The following RAVER1 variants were observed in gnomAD, a reference collection of about 807,000 sequenced individuals.
RAVER1 encodes the protein ribonucleoprotein, PTB binding 1.
In RAVER1, 36 loss-of-function variants were observed where a neutral mutation model predicts 68.4. The ratio of observed to expected loss-of-function variants is 0.53; its 90% CI spans 0.40 to 0.70. The LOEUF is 0.70. RAVER1 is among the 30% of genes least tolerant of loss of function. RAVER1 has a pLI of 0.00. For missense variants in RAVER1, 933 were observed against 1,019.8 expected (o/e 0.91, Z 1.16); for synonymous variants, 469 against 472.7 (o/e 0.99, Z 0.10).
At chr19:10,332,982 T>A (rs1469966410) in intron 1 of RAVER1, among the ~76,000 whole-genome samples, 1 of 152,142 alleles carries the variant, frequency 6.6e-6, no homozygotes, top group Non-Finnish European at 1.5e-5. Flanking sequence ...TACCAGCCCA[T>A]TCACAATTCC....
At chr19:10,331,470 A>G (rs1301211044) in intron 1 of RAVER1, among the ~76,000 whole-genome samples, 2 of 148,028 alleles carry the variant, frequency 1.4e-5, no homozygotes, top group Non-Finnish European at 3.0e-5. Context: ...GGCGGGTCAC[A>G]AGATCAAGAG....
Position 10,333,468 on chromosome 19 carries a change from T to A in RAVER1, c.40A>T (p.Ser14Cys). 6.2e-7 allele frequency: 1 copy of A among 1,610,914 alleles called. No homozygotes were observed. Among genetic ancestry groups the A allele is most frequent in the Non-Finnish European group, 8.5e-7 (1 of 1,179,388 alleles). Reference protein sequence around the residue: ...DVSVTHRPPLSPKSGAEVEAG... With the variant: ...DVSVTHRPPLCPKSGAEVEAG... ...TCGACTTCGGCCCCAGACTTAGGGCTCAGCGGGGGCCGGTGAGTAACGGAC... is the reference window on the plus strand; with the variant it reads ...TCGACTTCGGCCCCAGACTTAGGGCACAGCGGGGGCCGGTGAGTAACGGAC... Residue 14 changes from serine to cysteine, a missense_variant, in exon 1 of 13, where the codon AGC (serine) becomes TGC (cysteine). By Grantham distance (112) the Ser-to-Cys change is moderately radical. This residue lies in a region of RAVER1 where 211 missense variants were observed against 230.0 expected (regional missense o/e 0.92). Coordinates refer to ENST00000617231, the MANE Select transcript of RAVER1 (RefSeq NM_133452.3). The surrounding 1 kb of genome is among the most constrained non-coding windows in gnomAD (Gnocchi z 4.2).
chr19:10,320,558 T>TC (rs1168673160), intron 9 of RAVER1, 97 bp downstream of exon 9: 2 of 769,884 alleles, frequency 2.6e-6, no homozygotes, highest in Admixed American at 7.6e-5. Context: ...CCCTGCCGCC[T>TC]CCCTAGCACA....
Position 10,322,754 on chromosome 19 carries a change from A to G in RAVER1, c.1079-15T>C. On this transcript the variant is annotated splice_polypyrimidine_tract_variant and intron_variant, in intron 5 of 12. Transcript: ENST00000617231. This position sits in a 1 kb window ranked among gnomAD's most constrained non-coding sequence, Gnocchi z 4.3. ...ACCCAGGAGGCCTGGAGGGAGACAT[A>G]GGAGGATGTGTGGGGGTCCCTGTGT... 1.4e-6 allele frequency: 2 copies of G among 1,437,042 alleles called. No individual in the cohort carries two copies. The highest frequency in any genetic ancestry group is 1.8e-4 in the Middle Eastern group (1 of 5,554). The allele number at this position is 1,437,042 out of a possible 1,614,324, so 89.0% of individuals were successfully genotyped here.
In RAVER1 at chr19:10,323,156, C is replaced by A. The variant is rs199738113; in HGVS notation, c.1067G>T (p.Gly356Val). 61 of 1,601,670 alleles carry A rather than the reference C, an allele frequency of 3.8e-5. No homozygotes were observed. The highest frequency in any genetic ancestry group is 3.7e-4 in the Middle Eastern group (2 of 5,422). Residue 356 changes from glycine to valine, a missense_variant, in exon 5 of 13, where the codon GGG becomes GTG. Transcript: ENST00000617231. This position sits in a 1 kb window ranked among gnomAD's most constrained non-coding sequence, Gnocchi z 6.2. ...CAGCCCCACCTTACCCTGCTTCCCC[C>A]CCGCACTGCCATGGAGCAGGGGGTT... ...LLNPLLHGSA[G>V]GKQGLLGAPP...
Position 10,330,519 on chromosome 19 carries a change from T to C in RAVER1, c.227A>G (p.His76Arg). Residue 76 changes from histidine to arginine, a missense_variant, in exon 2 of 13, where the codon CAT becomes CGT. His to Arg is a conservative substitution (Grantham distance 29, BLOSUM62 0). Around this residue, in one of 3 missense-constraint regions of RAVER1, gnomAD observed 211 missense variants for 230.0 expected, o/e 0.92. Coordinates refer to ENST00000617231, the MANE Select transcript of RAVER1 (RefSeq NM_133452.3). ...GAGCTCATAGTCACTGAGCAGGTCA[T>C]GTACTTCCTGTGGAGATACAAGACA... is the stretch of plus-strand genomic sequence containing the variant. ...LPGDVTNQEV[H>R]DLLSDYELKY... The C allele has an allele frequency of 6.8e-7, 1 of 1,476,216 alleles. No individual in the cohort carries two copies. Among genetic ancestry groups the C allele is most frequent in the Non-Finnish European group, 9.3e-7 (1 of 1,072,110 alleles). 91.4% of individuals were successfully genotyped at this position (1,476,216 alleles called of 1,614,324 possible).
Position 10,330,492 on chromosome 19 carries a change from T to G in RAVER1, c.254A>C (p.Lys85Thr). Residue 85 changes from lysine to threonine, a missense_variant, in exon 2 of 13, where the codon AAA (lysine) becomes ACA (threonine). Physicochemically the swap from Lys to Thr is moderately conservative, Grantham distance 78 (BLOSUM62 -1). This residue lies in a region of RAVER1 where 211 missense variants were observed against 230.0 expected (regional missense o/e 0.92). Transcript: ENST00000617231. ...TTTGTATTTGTCCACAAAACAGTAT[T>G]TGAGCTCATAGTCACTGAGCAGGTC... ...VHDLLSDYEL[K>T]YCFVDKYKGT... 1 of 1,544,198 alleles carries G rather than the reference T, an allele frequency of 6.5e-7. No homozygotes were observed. Among genetic ancestry groups the G allele is most frequent in the Non-Finnish European group, 8.8e-7 (1 of 1,130,482 alleles).
chr19:10,320,679 G>A lies in RAVER1; in HGVS notation c.1746C>T (p.Asp582=). 3.2e-6 allele frequency: 5 copies of A among 1,556,262 alleles called. No individual in the cohort carries two copies. The highest frequency in any genetic ancestry group is 3.5e-6 in the Non-Finnish European group (4 of 1,155,310). ...ARLPPEPGLS[D]SYSFDYPSDM... ...CCGAGGGGTAGTCGAAGCTGTAGCT[G>A]TCAGACAGTCCTGGTTCGGGGGGCA... Residue 582 remains aspartate, a synonymous_variant, in exon 9 of 13, where the codon GAC becomes GAT. Transcript: ENST00000617231.
rs2040405101 is a variant in RAVER1 at position 10,317,907 on chromosome 19, T to C, written c.1990-134A>G. 1 of 683,156 alleles carries C rather than the reference T, an allele frequency of 1.5e-6. No individual in the cohort carries two copies. Among genetic ancestry groups the C allele is most frequent in the African/African-American group, 1.8e-5 (1 of 54,672 alleles). 42.3% of individuals were successfully genotyped at this position (683,156 alleles called of 1,614,324 possible). A position where few individuals can be genotyped will look rare whatever the true frequency, so the allele number is the denominator to read the frequency against. On this transcript the variant is annotated intron_variant, in intron 11 of 12. Transcript: ENST00000617231. The surrounding 1 kb of genome is among the most constrained non-coding windows in gnomAD (Gnocchi z 4.3). ...AGGTTCAAATCTTGCTTCTGCTACT[T>C]TCTAGCTATAAGACCTAGGGCCAAT...
rs2040387820 is a variant in RAVER1, at chr19:10,316,376, T to C, written c.*1078A>G. ...GCTGGGGGCAAGGCCCAGGGTCACC[T>C]CAGGTCGACAGGTCCTGCTGGTGGG... On this transcript the variant is annotated 3_prime_UTR_variant, in exon 13 of 13. Coordinates refer to ENST00000617231, the MANE Select transcript of RAVER1 (RefSeq NM_133452.3). 4 of 1,069,354 alleles carry C rather than the reference T, an allele frequency of 3.7e-6. No homozygotes were observed. The South Asian group carries it at 1.2e-4, about 32-fold the overall frequency. 66.2% of individuals were successfully genotyped at this position (1,069,354 alleles called of 1,614,324 possible).
chr19:10,331,787 G>A (rs1411524795), intron 1 of RAVER1, among the ~76,000 whole-genome samples: 1 of 151,764 alleles, frequency 6.6e-6, no homozygotes, highest in African/African-American at 2.4e-5. Flanking sequence ...CTCTGTAAGT[G>A]AAGTATTAAC....
rs773516441 is a variant in RAVER1, at chr19:10,322,727, G to C, written c.1091C>G (p.Ala364Gly). Residue 364 changes from alanine (A) to glycine (G), a missense_variant, in exon 6 of 13, where the codon GCC becomes GGC. By Grantham distance (60) the Ala-to-Gly change is moderately conservative. Transcript: ENST00000617231. The surrounding 1 kb of genome is among the most constrained non-coding windows in gnomAD (Gnocchi z 4.3). The stretch of plus-strand genomic sequence containing the variant: ...ATTGAGCAGCGGCATGGCTGGGGGG[G>C]CACCCAGGAGGCCTGGAGGGAGACA... ...SAGGKQGLLG[A>G]PPAMPLLNGP... 2 of 1,506,380 alleles carry C rather than the reference G, an allele frequency of 1.3e-6. No individual in the cohort carries two copies. The highest frequency in any genetic ancestry group is 2.8e-5 in the Admixed American group (1 of 36,170). 93.3% of individuals were successfully genotyped at this position (1,506,380 alleles called of 1,614,324 possible).
At chr19:10,325,481 G>A (rs769184504) in intron 3 of RAVER1, among the ~76,000 whole-genome samples, 2 of 151,788 alleles carry the variant, frequency 1.3e-5, no homozygotes, top group Admixed American at 6.6e-5. Flanking sequence ...CACCCACCTC[G>A]GCCTCCCAAA....
At position 10,328,954 on chromosome 19, in the gene RAVER1, G is replaced by A. The variant is rs370578226; in HGVS notation, c.444C>T (p.Phe148=). The A allele has an allele frequency of 1.1e-5, 18 of 1,605,820 alleles. No homozygotes were observed. The highest frequency in any genetic ancestry group is 4.0e-5 in the African/African-American group (3 of 74,842). The part of the protein sequence containing the change: ...NLPPSLTQQQ[F]EELVRPFGSL... The stretch of plus-strand genomic sequence containing the variant: ...TGCCGAAGGGCCGCACCAGCTCCTC[G>A]AACTGCTGCTGTGTGAGGCTGGGGG... Residue 148 remains phenylalanine (F), a synonymous_variant, in exon 3 of 13, where the codon TTC becomes TTT. Coordinates refer to ENST00000617231, the MANE Select transcript of RAVER1 (RefSeq NM_133452.3). The surrounding 1 kb of genome is among the most constrained non-coding windows in gnomAD (Gnocchi z 4.4).
intron 3 of RAVER1, among the ~76,000 whole-genome samples, chr19:10,325,413 T>C (rs2040467582): frequency 6.6e-6 from 1 of 152,000 alleles, no homozygotes; most frequent in African/African-American, 2.4e-5. Context: ...GTATTTTTAA[T>C]GGAGATAGGG....
At position 10,321,555 on chromosome 19, in the gene RAVER1, G is replaced by A; in HGVS notation, c.1237C>T (p.Pro413Ser). The change falls in exon 7 of 13, where the codon CCC (proline) becomes TCC (serine). Residue 413 changes from proline (P) to serine (S), a missense_variant. Coordinates refer to ENST00000617231, the MANE Select transcript of RAVER1 (RefSeq NM_133452.3). ...ALQPGAQPAN[P>S]LLGELPAGGG... Reference sequence around the variant, plus strand: ...CCTGCAGGCAGCTCCCCGAGGAGGGGGTTGGCTGGCTGGGCCCCAGGCTGG... The same window carrying A: ...CCTGCAGGCAGCTCCCCGAGGAGGGAGTTGGCTGGCTGGGCCCCAGGCTGG... 1 of 1,369,888 alleles carries A rather than the reference G, an allele frequency of 7.3e-7. No individual in the cohort carries two copies. The highest frequency in any genetic ancestry group is 1.5e-5 in the African/African-American group (1 of 66,802). The allele number at this position is 1,369,888 out of a possible 1,614,324, so 84.9% of individuals were successfully genotyped here. A position where few individuals can be genotyped will look rare whatever the true frequency, so the allele number is the denominator to read the frequency against.
rs1441899359 is a variant in RAVER1, at chr19:10,320,861, C to T, written c.1564G>A (p.Ala522Thr). Residue 522 changes from alanine to threonine, a missense_variant, in exon 9 of 13, where the codon GCG becomes ACG. Ala to Thr is a moderately conservative substitution (Grantham distance 58, BLOSUM62 0). Around this residue, in one of 3 missense-constraint regions of RAVER1, gnomAD observed 699 missense variants for 731.1 expected, o/e 0.96. Transcript: ENST00000617231. ...CCCCAGCCCCGGGCCTCCTTACCCG[C>T]CAGGTTGCTGGCCGGGAGCAGGCTG... ...LHSLLPASNLAGKEARGWGGA... is the reference protein window; with the variant it reads ...LHSLLPASNLTGKEARGWGGA... The T allele has an allele frequency of 1.3e-6, 2 of 1,511,150 alleles. No individual in the cohort carries two copies. The highest frequency in any genetic ancestry group is 1.8e-6 in the Non-Finnish European group (2 of 1,136,672). The allele number at this position is 1,511,150 out of a possible 1,614,324, so 93.6% of individuals were successfully genotyped here. A position where few individuals can be genotyped will look rare whatever the true frequency, so the allele number is the denominator to read the frequency against.
chr19:10,322,475 G>A lies in RAVER1; in HGVS notation c.1173+170C>T, dbSNP rs1256109746. 2 of 542,098 alleles carry A rather than the reference G, an allele frequency of 3.7e-6. No individual in the cohort carries two copies. Among genetic ancestry groups the A allele is most frequent in the Admixed American group, 4.2e-5 (1 of 23,738 alleles). The allele number at this position is 542,098 out of a possible 1,614,324, so 33.6% of individuals were successfully genotyped here. A position where few individuals can be genotyped will look rare whatever the true frequency, so the allele number is the denominator to read the frequency against. Reference sequence around the variant, plus strand: ...ACCATCATGAGCAATTGCCAGAGGGGGATGGGGATGTGGGTGGGAAAGGCA... The same window carrying A: ...ACCATCATGAGCAATTGCCAGAGGGAGATGGGGATGTGGGTGGGAAAGGCA... On this transcript the variant is annotated intron_variant, in intron 6 of 12. Transcript: ENST00000617231. This position sits in a 1 kb window ranked among gnomAD's most constrained non-coding sequence, Gnocchi z 4.3.
intron 3 of RAVER1, among the ~76,000 whole-genome samples, chr19:10,325,778 T>C (rs193283239): frequency 1.3e-5 from 2 of 151,608 alleles, no homozygotes; most frequent in African/African-American, 2.4e-5. Flanking sequence ...GCCTGGGTGA[T>C]TGAGAACCTG....
Sources: gnomAD v4.1 joint callset for allele counts (sites outside exome capture counted in the v4.1 genomes callset) on GRCh38, gnomAD v4.1.1 for gene constraint, gnomAD v4.1.1 regional missense constraint, Gnocchi (gnomAD v3.1) non-coding constraint, MANE v1.5 for transcripts, NCBI Gene and HGNC (gene_info 2026-07-23, HGNC 2026-07-21) for gene names.